The following PLCB1 variants were observed in gnomAD, a reference collection of about 807,000 sequenced individuals.
PLCB1 encodes the protein phospholipase C beta 1.
In PLCB1, 46 loss-of-function variants were observed where a neutral mutation model predicts 161.8. That is an observed-to-expected ratio of 0.28 (90% CI 0.22 to 0.36). The LOEUF is 0.36. Ranked by LOEUF, PLCB1 falls within the 10% of genes least tolerant of loss-of-function variation. The pLI is 1.00. For missense variants in PLCB1, 1,016 were observed against 1,472.5 expected (o/e 0.69, Z 5.07); for synonymous variants, 517 against 503.7 (o/e 1.03, Z -0.35).
chr20:8,212,462 T>C (rs1277186590), intron 2 of PLCB1, among the ~76,000 whole-genome samples: 2 of 152,066 alleles, frequency 1.3e-5, no homozygotes, highest in African/African-American at 4.8e-5. Flanking sequence ...GACAGGAGAC[T>C]TCCTCTTTCT....
chr20:8,417,483 C>T (rs1979355528), intron 3 of PLCB1, among the ~76,000 whole-genome samples: 1 of 151,044 alleles, frequency 6.6e-6, no homozygotes, highest in Admixed American at 6.6e-5. Flanking sequence ...AAAACAGTGT[C>T]ATTGATTTAC....
chr20:8,132,630 C>T lies in PLCB1; in HGVS notation c.-22C>T, dbSNP rs1430650383. ...GTCCCTGCCGCGCTCGCCCGGGCCGCCCGGAGCCCAGATGAGCCCAGATGG... is the reference window on the plus strand; with the variant it reads ...GTCCCTGCCGCGCTCGCCCGGGCCGTCCGGAGCCCAGATGAGCCCAGATGG... On this transcript the variant is annotated 5_prime_UTR_variant, in exon 1 of 32. Transcript: ENST00000338037. The surrounding 1 kb of genome is among the most constrained non-coding windows in gnomAD (Gnocchi z 5.2). 1.3e-6 allele frequency: 2 copies of T among 1,581,038 alleles called. No individual in the cohort carries two copies. The highest frequency in any genetic ancestry group is 2.3e-5 in the East Asian group (1 of 42,996).
intron 3 of PLCB1, among the ~76,000 whole-genome samples, chr20:8,541,129 A>G (rs1284969513): frequency 6.6e-6 from 1 of 152,144 alleles, no homozygotes; most frequent in Admixed American, 6.5e-5. Context: ...TTTCTAGGTG[A>G]AGCATAGACT....
At chr20:8,550,908 A>C (rs1385893007) in intron 3 of PLCB1, among the ~76,000 whole-genome samples, 1 of 152,058 alleles carries the variant, frequency 6.6e-6, no homozygotes, top group Admixed American at 6.6e-5. Flanking sequence ...TGAATAATAA[A>C]ATTTCTATCA....
In PLCB1 at chr20:8,424,418, T is replaced by TA. The variant is rs772635882; in HGVS notation, c.246+52969dup. On this transcript the variant is annotated intron_variant, in intron 3 of 31. Coordinates refer to ENST00000338037, the MANE Select transcript of PLCB1 (RefSeq NM_015192.4). ...TTGTTGAGACTAAATTACTTTTTTTTATTTCTATGATGCAGCACTCTTTTA... is the reference window on the plus strand; with the variant it reads ...TTGTTGAGACTAAATTACTTTTTTTTAATTTCTATGATGCAGCACTCTTTTA... 1.4e-4 allele frequency among the ~76,000 whole-genome samples: 22 copies of TA among 152,346 alleles called. No individual in the cohort carries two copies. In the East Asian group the frequency reaches 4.2e-3, roughly 29 times the overall value.
In PLCB1 at chr20:8,132,578, C is replaced by G; in HGVS notation, c.-74C>G. ...AGCAGAGAAAGGAGCCCGCGCCCCG[C>G]GCCCCGCGCCCCGCGCACGGTCCCC... is the stretch of plus-strand genomic sequence containing the variant. On this transcript the variant is annotated 5_prime_UTR_variant, in exon 1 of 32. Transcript: ENST00000338037. The surrounding 1 kb of genome is among the most constrained non-coding windows in gnomAD (Gnocchi z 5.2). 2.1e-6 allele frequency: 2 copies of G among 945,228 alleles called. No individual in the cohort carries two copies. Among genetic ancestry groups the G allele is most frequent in the Non-Finnish European group, 3.0e-6 (2 of 675,024 alleles). 58.6% of individuals were successfully genotyped at this position (945,228 alleles called of 1,614,324 possible).
Position 8,857,601 on chromosome 20 carries a change from G to A in PLCB1, c.3424-24021G>A, listed in dbSNP as rs140160793. Among the ~76,000 whole-genome samples the A allele has an allele frequency of 3.3e-5, 5 of 152,282 alleles. No homozygotes were observed. In the East Asian group the frequency reaches 9.7e-4, roughly 29 times the overall value. ...AACTGTGGAATTACTGGGCCATAGGGAATATGAATCTTCCATTTTACATGA... is the reference window on the plus strand; with the variant it reads ...AACTGTGGAATTACTGGGCCATAGGAAATATGAATCTTCCATTTTACATGA... On this transcript the variant is annotated intron_variant, in intron 31 of 31. Transcript: ENST00000338037.
At chr20:8,804,478 A>G (rs373254960) in intron 31 of PLCB1, among the ~76,000 whole-genome samples, 1 of 152,314 alleles carries the variant, frequency 6.6e-6, no homozygotes, top group East Asian at 1.9e-4. Flanking sequence ...CACACTTTTC[A>G]TGTCAAAATA....
chr20:8,756,461 A>T (rs1159123187), intron 23 of PLCB1, among the ~76,000 whole-genome samples: 2 of 152,168 alleles, frequency 1.3e-5, no homozygotes, highest in African/African-American at 4.8e-5. Context: ...GGCAGCTTAT[A>T]ACATCAACTA....
At chr20:8,571,051 G>A (rs540590091) in intron 3 of PLCB1, among the ~76,000 whole-genome samples, 2 of 152,300 alleles carry the variant, frequency 1.3e-5, no homozygotes, top group South Asian at 4.1e-4. Flanking sequence ...AGTGTGGAAT[G>A]GTATGTAGGC....
intron 2 of PLCB1, among the ~76,000 whole-genome samples, chr20:8,284,790 T>C (rs1044621574): frequency 1.3e-5 from 2 of 152,118 alleles, no homozygotes; most frequent in African/African-American, 4.8e-5. Flanking sequence ...TTAATTCTTA[T>C]TTCTCTTGGG....
At chr20:8,380,463 G>GT (rs1476158249) in intron 3 of PLCB1, among the ~76,000 whole-genome samples, 32 of 152,140 alleles carry the variant, frequency 2.1e-4, no homozygotes, top group African/African-American at 7.5e-4. Context: ...ATTTAAAGTA[G>GT]TTTTTTCTAA....
intron 2 of PLCB1, among the ~76,000 whole-genome samples, chr20:8,187,188 C>A (rs1454417451): frequency 6.6e-6 from 1 of 152,116 alleles, no homozygotes. Flanking sequence ...GCATGCCAAG[C>A]CTATTTTCCA....
At chr20:8,235,797 A>G (rs1980287325) in intron 2 of PLCB1, among the ~76,000 whole-genome samples, 1 of 152,112 alleles carries the variant, frequency 6.6e-6, no homozygotes, top group African/African-American at 2.4e-5. Context: ...ATAAAATGAG[A>G]AAGTTTTTTA....
chr20:8,520,348 G>A (rs1444319653), intron 3 of PLCB1, among the ~76,000 whole-genome samples: 1 of 151,922 alleles, frequency 6.6e-6, no homozygotes, highest in Non-Finnish European at 1.5e-5. Flanking sequence ...ATAGGTGGTG[G>A]GACAAAGACT....
At chr20:8,309,411 A>G (rs1432464062) in intron 2 of PLCB1, among the ~76,000 whole-genome samples, 1 of 152,232 alleles carries the variant, frequency 6.6e-6, no homozygotes, top group Non-Finnish European at 1.5e-5. Flanking sequence ...TACATAGGAA[A>G]AGCATTCTTC....
At chr20:8,625,514 A>G (rs966725800) in intron 3 of PLCB1, among the ~76,000 whole-genome samples, 5 of 152,258 alleles carry the variant, frequency 3.3e-5, no homozygotes, top group African/African-American at 7.2e-5. Flanking sequence ...TAAAATGACC[A>G]GTGCTGGAAA....
intron 12 of PLCB1, among the ~76,000 whole-genome samples, chr20:8,711,265 C>T (rs983985857): frequency 6.6e-6 from 1 of 152,198 alleles, no homozygotes; most frequent in Non-Finnish European, 1.5e-5. Flanking sequence ...ATTCAGACAA[C>T]GAGAGCATCC....
intron 4 of PLCB1, among the ~76,000 whole-genome samples, chr20:8,641,995 C>T (rs1185472945): frequency 6.6e-6 from 1 of 152,098 alleles, no homozygotes; most frequent in Admixed American, 6.5e-5. Context: ...TTGAGTTGTG[C>T]TTTTGTCAGA....
Sources: allele counts gnomAD v4.1 joint callset (sites outside exome capture counted in the v4.1 genomes callset), GRCh38; gene constraint gnomAD v4.1.1; non-coding constraint Gnocchi (gnomAD v3.1); transcripts MANE v1.5; gene names NCBI Gene and HGNC (gene_info 2026-07-23, HGNC 2026-07-21).